NLRP12: variants seen among roughly 807,000 people sequenced by gnomAD.
NLRP12 encodes the protein NACHT, LRR and PYD domains-containing protein 12.
Under a neutral mutation model 91.2 loss-of-function variants are expected in NLRP12, and 108 were observed. The ratio of observed to expected loss-of-function variants is 1.18; its 90% CI spans 1.01 to 1.39. The LOEUF (loss-of-function observed/expected upper bound fraction) is 1.39, where lower values mean the gene tolerates loss of function less well. NLRP12 is among the 40% of genes most tolerant of loss of function. The pLI is 0.00. For synonymous variants in NLRP12, 613 were observed against 566.7 expected (o/e 1.08, Z -1.16); for missense variants, 1,530 against 1,352.7 (o/e 1.13, Z -2.06).
intron 1 of NLRP12, among the ~76,000 whole-genome samples, chr19:53,817,301 G>A (rs373302808): frequency 9.2e-5 from 14 of 151,998 alleles, no homozygotes; most frequent in African/African-American, 2.7e-4. Flanking sequence ...ATGGTGGCGC[G>A]TGCCTGTAAT....
intron 9 of NLRP12, among the ~76,000 whole-genome samples, chr19:53,795,531 C>A (rs1361139561): frequency 1.3e-5 from 2 of 151,164 alleles, no homozygotes; most frequent in African/African-American, 2.4e-5. Flanking sequence ...CCCGCCACCA[C>A]GCCCGGCTAA....
chr19:53,804,800 G>C (rs1190054434), intron 5 of NLRP12, among the ~76,000 whole-genome samples: 1 of 151,818 alleles, frequency 6.6e-6, no homozygotes, highest in African/African-American at 2.4e-5. Context: ...GGCCAAGGTG[G>C]GTGGATCATT....
At position 53,811,197 on chromosome 19, in the gene NLRP12, G is replaced by A; in HGVS notation, c.462C>T (p.Ser154=). ...NARLGECVNL[S]HRYTRLLLVK... is the part of the protein sequence containing the mutation. Reference sequence around the variant, plus strand: ...CCAGCAGGAGCCGGGTGTACCGGTGGCTGAGGTTGACACATTCCCCTAGGC... The same window carrying A: ...CCAGCAGGAGCCGGGTGTACCGGTGACTGAGGTTGACACATTCCCCTAGGC... The change falls in exon 3 of 10, where the codon AGC becomes AGT. Residue 154 remains serine (S), a synonymous_variant. Coordinates refer to ENST00000324134, the MANE Select transcript of NLRP12 (RefSeq NM_144687.4). 1.2e-6 allele frequency: 2 copies of A among 1,614,154 alleles called. No homozygotes were observed. The highest frequency in any genetic ancestry group is 1.7e-5 in the Admixed American group (1 of 60,008).
At chr19:53,824,393 A>G (rs1045692982), upstream of NLRP12, 7 of 567,308 alleles carry the variant, frequency 1.2e-5, no homozygotes, top group South Asian at 2.1e-5. Context: ...CCACTCACCA[A>G]TGGCTGTTCT....
chr19:53,823,991 T>A lies in NLRP12; in HGVS notation c.184A>T (p.Thr62Ser). Reference protein sequence around the residue: ...GPLEMAQLLITHFGPEEAWRL... With the variant: ...GPLEMAQLLISHFGPEEAWRL... ...CAGGCCTCCTCTGGCCCGAAGTGGG[T>A]GATGAGCAGCTGGGCCATTTCCAGG... The change falls in exon 1 of 10, where the codon ACC (threonine) becomes TCC (serine). Residue 62 changes from threonine (T) to serine (S), a missense_variant. Coordinates refer to ENST00000324134, the MANE Select transcript of NLRP12 (RefSeq NM_144687.4). 3 of 1,614,100 alleles carry A rather than the reference T, an allele frequency of 1.9e-6. No homozygotes were observed. The highest frequency in any genetic ancestry group is 2.5e-6 in the Non-Finnish European group (3 of 1,180,012).
rs1360987205 is a variant in NLRP12, at chr19:53,819,483, G to GTGTGTGTGTA, written c.289+4402_289+4403insTACACACACA. ...TGTGTGTGTGTGTGTGTGTGTGTGT[G>GTGTGTGTGTA]TATATACATATGTGTATATATATGT... is the stretch of plus-strand genomic sequence containing the variant. On this transcript the variant is annotated intron_variant, in intron 1 of 9. Coordinates refer to ENST00000324134, the MANE Select transcript of NLRP12 (RefSeq NM_144687.4). 5.7e-4 allele frequency among the ~76,000 whole-genome samples: 8 copies of GTGTGTGTGTA among 14,098 alleles called. 2 individuals carry two copies. The highest frequency in any genetic ancestry group is 1.4e-3 in the Non-Finnish European group (6 of 4,214). 9.2% of individuals were successfully genotyped at this position (14,098 alleles called of 152,430 possible). A position where few individuals can be genotyped will look rare whatever the true frequency, so the allele number is the denominator to read the frequency against.
chr19:53,806,187 T>C (rs1385984466), intron 4 of NLRP12, among the ~76,000 whole-genome samples: 1 of 151,598 alleles, frequency 6.6e-6, no homozygotes, highest in Non-Finnish European at 1.5e-5. Flanking sequence ...TGAGTCGAGA[T>C]CATGTCACTG....
Position 53,810,410 on chromosome 19 carries a change from G to A in NLRP12, c.1249C>T (p.Gln417Ter). 1 of 1,613,860 alleles carries A rather than the reference G, an allele frequency of 6.2e-7. No individual in the cohort carries two copies. Among genetic ancestry groups the A allele is most frequent in the Non-Finnish European group, 8.5e-7 (1 of 1,180,030 alleles). ...CWVVCTCLQQQLEGGGLLRQT... is the reference protein window; with the variant it reads ...CWVVCTCLQQ ...CTCAACAGCCCCCCACCCTCCAGCT[G>A]CTGCTGGAGGCAGGTACACACCACC... Residue 417 changes from glutamine to a stop codon, truncating the protein, a stop_gained, in exon 3 of 10, where the codon CAG (glutamine) becomes TAG (stop). Transcript: ENST00000324134. LOFTEE classifies it high-confidence loss of function.
Position 53,811,001 on chromosome 19 carries a change from C to T in NLRP12, c.658G>A (p.Gly220Arg), listed in dbSNP as rs781166780. 4.3e-6 allele frequency: 7 copies of T among 1,614,010 alleles called. No individual in the cohort carries two copies. Among genetic ancestry groups the T allele is most frequent in the African/African-American group, 2.7e-5 (2 of 75,070 alleles). The change falls in exon 3 of 10, where the codon GGG (glycine) becomes AGG (arginine). Residue 220 changes from glycine (G) to arginine (R), a missense_variant. Coordinates refer to ENST00000324134, the MANE Select transcript of NLRP12 (RefSeq NM_144687.4). ...TGTGCCAGCATGGACTTGCCTATCC[C>T]TGCCGCGCCTTGCATGACCACGGTG... ...PRTVVMQGAA[G>R]IGKSMLAHKV...
At chr19:53,819,629 G>A (rs376130963) in intron 1 of NLRP12, among the ~76,000 whole-genome samples, 1 of 42,688 alleles carries the variant, frequency 2.3e-5, no homozygotes, top group South Asian at 6.5e-4. Flanking sequence ...GTATATACGC[G>A]TATATATGTA....
At chr19:53,801,453 T>TC (rs1183146352) in intron 6 of NLRP12, 56 bp from the exon 7 acceptor site, 244 of 1,415,640 alleles carry the variant, frequency 1.7e-4, no homozygotes, top group East Asian at 1.6e-3. Flanking sequence ...TTTTTCTTTT[T>TC]TTTTTTTTTT....
chr19:53,808,481 C>T (rs932748715), intron 3 of NLRP12: 2 of 151,808 alleles, frequency 1.3e-5, no homozygotes, highest in Non-Finnish European at 2.9e-5. Flanking sequence ...AATCCCAGCA[C>T]TTTGGGAGGC....
At chr19:53,802,807 C>A (rs1034927906) in intron 6 of NLRP12, among the ~76,000 whole-genome samples, 2 of 152,092 alleles carry the variant, frequency 1.3e-5, no homozygotes, top group Non-Finnish European at 2.9e-5. Flanking sequence ...AGGGTCTCAC[C>A]CTGTCACCCA....
chr19:53,804,221 G>T (rs1006201580), intron 5 of NLRP12, 99 bp from the exon 6 acceptor site: 3 of 1,369,364 alleles, frequency 2.2e-6, no homozygotes, highest in African/African-American at 1.4e-5. Flanking sequence ...GGAACAGGTT[G>T]TTGCTCTGTC....
chr19:53,807,499 G>T lies in NLRP12; in HGVS notation c.2239C>A (p.Leu747Met). ...LRHPNCKLQN[L>M]RLKRCRISSS... Reference sequence around the variant, plus strand: ...CCCAGACCAGCCTGCACTCACCTCAGGTTCTGAAGTTTGCAGTTGGGGTGT... The same window carrying T: ...CCCAGACCAGCCTGCACTCACCTCATGTTCTGAAGTTTGCAGTTGGGGTGT... Residue 747 changes from leucine to methionine, a missense_variant, in exon 4 of 10, where the codon CTG becomes ATG. Leu to Met is a conservative substitution (Grantham distance 15). Coordinates refer to ENST00000324134, the MANE Select transcript of NLRP12 (RefSeq NM_144687.4). The T allele has an allele frequency of 6.2e-7, 1 of 1,613,808 alleles. No individual in the cohort carries two copies. The highest frequency in any genetic ancestry group is 1.1e-5 in the South Asian group (1 of 91,024).
rs778312278 is a variant in NLRP12, at chr19:53,809,961, G to A, written c.1698C>T (p.Leu566=). ...GGTGGCTCCTGGTCTCCTCGTTCAG[G>A]AGTCCAAACAGGAAGCGGCTGGTGA... ...LALTSRFLFG[L]LNEETRSHLE... The change falls in exon 3 of 10, where the codon CTC becomes CTT. Residue 566 remains leucine, a synonymous_variant. Coordinates refer to ENST00000324134, the MANE Select transcript of NLRP12 (RefSeq NM_144687.4). 3 of 1,614,026 alleles carry A rather than the reference G, an allele frequency of 1.9e-6. No individual in the cohort carries two copies. The African/African-American group carries it at 4.0e-5, about 22-fold the overall frequency.
rs1255385830 is a variant in NLRP12, at chr19:53,793,941, A to G, written c.*108T>C. The G allele has an allele frequency of 2.5e-5, 21 of 830,664 alleles. No individual in the cohort carries two copies. Among genetic ancestry groups the G allele is most frequent in the Middle Eastern group, 4.5e-4 (2 of 4,454 alleles). The allele number at this position is 830,664 out of a possible 1,614,324, so 51.5% of individuals were successfully genotyped here. A position where few individuals can be genotyped will look rare whatever the true frequency, so the allele number is the denominator to read the frequency against. ...AGAGGGACTTTTGATCTCAATCTGC[A>G]TGAGTCTGTCTCTAGGAAGGAGGCT... On this transcript the variant is annotated 3_prime_UTR_variant, in exon 10 of 10. Transcript: ENST00000324134.
intron 5 of NLRP12, among the ~76,000 whole-genome samples, chr19:53,805,048 G>C (rs888806811): frequency 6.6e-6 from 1 of 152,060 alleles, no homozygotes; most frequent in Non-Finnish European, 1.5e-5. Context: ...AAAAGAAGAG[G>C]TGGGGGATGG....
At chr19:53,800,980 G>A (rs973002456) in intron 7 of NLRP12, among the ~76,000 whole-genome samples, 4 of 151,856 alleles carry the variant, frequency 2.6e-5, no homozygotes, top group Non-Finnish European at 4.4e-5. Flanking sequence ...AGATCATGAG[G>A]TCAGTAGATC....
Sources: allele counts gnomAD v4.1 joint callset (sites outside exome capture counted in the v4.1 genomes callset), GRCh38; gene constraint gnomAD v4.1.1; transcripts MANE v1.5; gene names NCBI Gene and HGNC (gene_info 2026-07-23, HGNC 2026-07-21).